PDIA4: variants seen among roughly 807,000 people sequenced by gnomAD.
The protein encoded by PDIA4 is protein disulfide-isomerase A4.
Under a neutral mutation model 62.1 loss-of-function variants are expected in PDIA4, and 33 were observed. That is an observed-to-expected ratio of 0.53 (90% CI 0.40 to 0.71). The LOEUF (loss-of-function observed/expected upper bound fraction) is 0.71. Among genes scored for constraint, PDIA4 ranks in the 30% least tolerant of loss-of-function variants. The pLI, the probability that PDIA4 is intolerant of heterozygous loss-of-function variation, is 0.00. For synonymous variants in PDIA4, 341 were observed against 324.1 expected (o/e 1.05, Z -0.56); for missense variants, 804 against 813.6 (o/e 0.99, Z 0.14).
chr7:149,010,165 A>G (rs1823897671), intron 6 of PDIA4, among the ~76,000 whole-genome samples: 1 of 152,158 alleles, frequency 6.6e-6, no homozygotes, highest in African/African-American at 2.4e-5. Flanking sequence ...TCCGAGCCAC[A>G]GGCCCTTCTC....
At position 149,028,046 on chromosome 7, in the gene PDIA4, C is replaced by T. The variant is rs115293951; in HGVS notation, c.88+275G>A. 1.7e-3 allele frequency: 1,062 copies of T among 635,752 alleles called. 9 individuals are homozygous for T. In the African/African-American group the frequency reaches 0.017, roughly 10 times the overall value. The allele number at this position is 635,752 out of a possible 1,614,324, so 39.4% of individuals were successfully genotyped here. A position where few individuals can be genotyped will look rare whatever the true frequency, so the allele number is the denominator to read the frequency against. On this transcript the variant is annotated intron_variant, in intron 1 of 9. Transcript: ENST00000652332. ...CAAAAAAGGCGCTCTGCAGCCCTCT[C>T]CCAGCCTCGGGTGACAGGGGTCTTC... is the stretch of plus-strand genomic sequence containing the variant.
At position 149,020,882 on chromosome 7, in the gene PDIA4, C is replaced by A. The variant is rs558723871; in HGVS notation, c.269+85G>T. 18 of 1,524,778 alleles carry A rather than the reference C, an allele frequency of 1.2e-5. No individual in the cohort carries two copies. In the Admixed American group the frequency reaches 1.8e-4, roughly 16 times the overall value. 94.5% of individuals were successfully genotyped at this position (1,524,778 alleles called of 1,614,324 possible). On this transcript the variant is annotated intron_variant, in intron 2 of 9. Transcript: ENST00000652332. ...GCACCCAGACACTCCTACCCCACCCCCCAAGGTCTGGATGACCGGGTGAAG... is the reference window on the plus strand; with the variant it reads ...GCACCCAGACACTCCTACCCCACCCACCAAGGTCTGGATGACCGGGTGAAG...
At chr7:149,007,774 G>C (rs1386721112) in intron 7 of PDIA4, among the ~76,000 whole-genome samples, 2 of 152,366 alleles carry the variant, frequency 1.3e-5, no homozygotes, top group East Asian at 1.9e-4. Flanking sequence ...GGAGCTGCCC[G>C]AACAAACACG....
chr7:149,007,668 G>C (rs1033149597), intron 7 of PDIA4, among the ~76,000 whole-genome samples: 1 of 152,252 alleles, frequency 6.6e-6, no homozygotes, highest in African/African-American at 2.4e-5. Flanking sequence ...AAGTGCAGGG[G>C]TGCAGTAATG....
At chr7:149,020,828 G>GTGGTCGC in intron 2 of PDIA4, 139 bp downstream of exon 2, 1 of 1,360,934 alleles carries the variant, frequency 7.3e-7, no homozygotes, top group East Asian at 2.5e-5. Context: ...TGAGCTCCCA[G>GTGGTCGC]CGTTCTTAAA....
In PDIA4 at chr7:149,012,150, C is replaced by G. The variant is rs745330359; in HGVS notation, c.820+5G>C. On this transcript the variant is annotated splice_donor_5th_base_variant and intron_variant, in intron 5 of 9. Coordinates refer to ENST00000652332, the MANE Select transcript of PDIA4 (RefSeq NM_004911.5). ...CTGTAGTGGGAGAGAAGGGAGTGGC[C>G]ATACCATATTTTTCTCGTGGGCCGT... The G allele has an allele frequency of 1.9e-6, 3 of 1,613,856 alleles. No individual in the cohort carries two copies. The highest frequency in any genetic ancestry group is 2.5e-6 in the Non-Finnish European group (3 of 1,179,882).
At position 149,005,883 on chromosome 7, in the gene PDIA4, TG is replaced by T; in HGVS notation, c.1288+13del. Reference sequence around the variant, plus strand: ...CACCCCCCACCCCCGCAGGTCTTGGTGGGGGTCCCTCACCAGCTCTGTAATC... The same window carrying T: ...CACCCCCCACCCCCGCAGGTCTTGGTGGGGTCCCTCACCAGCTCTGTAATC... On this transcript the variant is annotated intron_variant, in intron 8 of 9. Transcript: ENST00000652332. The T allele has an allele frequency of 6.7e-7, 1 of 1,490,972 alleles. No individual in the cohort carries two copies. The highest frequency in any genetic ancestry group is 8.9e-7 in the Non-Finnish European group (1 of 1,127,758). 92.4% of individuals were successfully genotyped at this position (1,490,972 alleles called of 1,614,324 possible). A position where few individuals can be genotyped will look rare whatever the true frequency, so the allele number is the denominator to read the frequency against.
In PDIA4 at chr7:149,012,214, G is replaced by A. The variant is rs1349065449; in HGVS notation, c.761C>T (p.Thr254Ile). The change falls in exon 5 of 10, where the codon ACC (threonine) becomes ATC (isoleucine). Residue 254 changes from threonine (T) to isoleucine (I), a missense_variant. Physicochemically the swap from Thr to Ile is moderately conservative, Grantham distance 89. Coordinates refer to ENST00000652332, the MANE Select transcript of PDIA4 (RefSeq NM_004911.5). ...AKRFDVSGYPTLKIFRKGRPY... is the reference protein window; with the variant it reads ...AKRFDVSGYPILKIFRKGRPY... ...CCTTCCTTTGCGGAAAATTTTCAGG[G>A]TGGGATAGCCAGAGACATCAAACCT... The A allele has an allele frequency of 5.0e-6, 8 of 1,613,978 alleles. No homozygotes were observed. The highest frequency in any genetic ancestry group is 1.7e-5 in the Admixed American group (1 of 59,994).
chr7:149,014,564 C>T (rs1244760412), intron 4 of PDIA4, among the ~76,000 whole-genome samples: 1 of 152,178 alleles, frequency 6.6e-6, no homozygotes, highest in Non-Finnish European at 1.5e-5. Flanking sequence ...CCTCCCCTCC[C>T]CTCCCCATGA....
rs1329010931 is a variant in PDIA4, at chr7:149,006,005, G to A, written c.1180C>T (p.Leu394=). 1 of 1,553,134 alleles carries A rather than the reference G, an allele frequency of 6.4e-7. No homozygotes were observed. Among genetic ancestry groups the A allele is most frequent in the South Asian group, 1.2e-5 (1 of 80,896 alleles). Residue 394 remains leucine, a synonymous_variant, in exon 8 of 10, where the codon CTG becomes TTG. Coordinates refer to ENST00000652332, the MANE Select transcript of PDIA4 (RefSeq NM_004911.5). ...ACCTTGCGGTGGCCAACCAGGGGCA[G>A]GGCGTACTTCAGCACGAAGTCCTTG... ...AIKDFVLKYA[L]PLVGHRKVSN...
rs183503369 is a variant in PDIA4 at position 149,016,095 on chromosome 7, G to A, written c.476-1053C>T. On this transcript the variant is annotated intron_variant, in intron 3 of 9. Coordinates refer to ENST00000652332, the MANE Select transcript of PDIA4 (RefSeq NM_004911.5). ...GGATCATGGGTGGTCAGGAGTTCAAGACCAGCCTGGCCAACATGGTGAAAC... is the reference window on the plus strand; with the variant it reads ...GGATCATGGGTGGTCAGGAGTTCAAAACCAGCCTGGCCAACATGGTGAAAC... 1.7e-3 allele frequency among the ~76,000 whole-genome samples: 261 copies of A among 152,324 alleles called. 1 individual carries two copies. Among genetic ancestry groups the A allele is most frequent in the African/African-American group, 5.6e-3 (233 of 41,568 alleles).
At chr7:149,007,356 G>T (rs1823797416) in intron 7 of PDIA4, among the ~76,000 whole-genome samples, 1 of 152,176 alleles carries the variant, frequency 6.6e-6, no homozygotes, top group Non-Finnish European at 1.5e-5. Context: ...AAACAGCCAG[G>T]GTCCTGACAC....
Position 149,012,267 on chromosome 7 carries a change from G to A in PDIA4, c.708C>T (p.Asp236=), listed in dbSNP as rs191155547. The A allele has an allele frequency of 3.8e-5, 62 of 1,614,120 alleles. No individual in the cohort carries two copies. The East Asian group carries it at 1.1e-3, about 28-fold the overall frequency. Residue 236 remains aspartate (D), a synonymous_variant, in exon 5 of 10, where the codon GAC becomes GAT. Coordinates refer to ENST00000652332, the MANE Select transcript of PDIA4 (RefSeq NM_004911.5). ...RSPPIPLAKV[D]ATAETDLAKR... Reference sequence around the variant, plus strand: ...TGGCCAGGTCTGTTTCTGCGGTGGCGTCGACCTTTGCCAGGGGAATTGGAG... The same window carrying A: ...TGGCCAGGTCTGTTTCTGCGGTGGCATCGACCTTTGCCAGGGGAATTGGAG...
At chr7:149,016,806 C>T (rs1429826127) in intron 3 of PDIA4, among the ~76,000 whole-genome samples, 2 of 152,170 alleles carry the variant, frequency 1.3e-5, no homozygotes, top group Non-Finnish European at 2.9e-5. Context: ...CCACCGTGCC[C>T]AGCCTACTAG....
chr7:149,016,479 G>T (rs568544498), intron 3 of PDIA4, among the ~76,000 whole-genome samples: 2 of 151,600 alleles, frequency 1.3e-5, no homozygotes, highest in South Asian at 2.1e-4. Context: ...CTGCTTTTAT[G>T]CATACAAAAT....
At chr7:149,020,874 C>T in intron 2 of PDIA4, 93 bp downstream of exon 2, 1 of 1,508,274 alleles carries the variant, frequency 6.6e-7, no homozygotes, top group African/African-American at 1.4e-5. Context: ...GACACTCCTA[C>T]CCCACCCCCC....
intron 1 of PDIA4, among the ~76,000 whole-genome samples, chr7:149,023,407 T>G (rs1384779986): frequency 2.6e-5 from 4 of 152,224 alleles, no homozygotes; most frequent in South Asian, 2.1e-4. Context: ...CATCTTGTGC[T>G]GATGTCATTA....
chr7:149,028,105 T>C (rs977991765), intron 1 of PDIA4: 4 of 599,314 alleles, frequency 6.7e-6, no homozygotes, highest in Non-Finnish European at 1.2e-5. Flanking sequence ...CCCGGCCACC[T>C]TCCTCTCCCG....
intron 9 of PDIA4, 86 bp from the exon 10 acceptor site, chr7:149,004,295 T>G (rs1455278824): frequency 6.0e-6 from 8 of 1,332,478 alleles, no homozygotes; most frequent in Non-Finnish European, 8.3e-6. Context: ...GGCAGTGAGG[T>G]TGGTGTGGCC....
Sources: allele counts gnomAD v4.1 joint callset (sites outside exome capture counted in the v4.1 genomes callset), GRCh38; gene constraint gnomAD v4.1.1; transcripts MANE v1.5; gene names NCBI Gene and HGNC (gene_info 2026-07-23, HGNC 2026-07-21).